Variants in JAZF1 observed in about 807,000 individuals in gnomAD.
The protein encoded by JAZF1 is juxtaposed with another zinc finger protein 1.
In JAZF1, 8 loss-of-function variants were observed where a neutral mutation model predicts 26.4. The observed-to-expected ratio is 0.30, with a 90% CI of 0.18 to 0.55. The LOEUF is 0.55. JAZF1 is among the 20% of genes least tolerant of loss of function. JAZF1 has a pLI of 0.94. For synonymous variants in JAZF1, 126 were observed against 122.3 expected, an observed-to-expected ratio of 1.03 and a Z score of -0.20; for missense variants, 199 against 322.0, an observed-to-expected ratio of 0.62 and a Z score of 2.92.
intron 1 of JAZF1, among the ~76,000 whole-genome samples, chr7:28,112,271 C>CAGTTTCATT (rs1324298973): frequency 6.6e-6 from 1 of 152,144 alleles, no homozygotes; most frequent in Non-Finnish European, 1.5e-5. Flanking sequence ...CAATGGAGGC[C>CAGTTTCATT]AGTTTCATTA....
chr7:27,898,804 T>C (rs1331504096), intron 2 of JAZF1, among the ~76,000 whole-genome samples: 2 of 152,174 alleles, frequency 1.3e-5, no homozygotes, highest in Non-Finnish European at 2.9e-5. Flanking sequence ...AAACACATTC[T>C]TAAAGCCCTG....
At chr7:28,143,991 G>A (rs1782992122) in intron 1 of JAZF1, among the ~76,000 whole-genome samples, 1 of 152,166 alleles carries the variant, frequency 6.6e-6, no homozygotes, top group African/African-American at 2.4e-5. Context: ...GTTGAATGAT[G>A]GAATAAATGA....
intron 1 of JAZF1, among the ~76,000 whole-genome samples, chr7:28,075,663 T>G (rs1359421334): frequency 6.6e-6 from 1 of 152,212 alleles, no homozygotes; most frequent in Non-Finnish European, 1.5e-5. Flanking sequence ...GTATTATTCT[T>G]TTTAATGGCT....
intron 3 of JAZF1, among the ~76,000 whole-genome samples, chr7:27,865,952 C>A (rs1490774069): frequency 6.6e-6 from 1 of 152,128 alleles, no homozygotes; most frequent in Non-Finnish European, 1.5e-5. Context: ...TAGGGAACAG[C>A]CACAAGTCAC....
At chr7:27,844,711 A>C (rs1782987187) in intron 3 of JAZF1, 1 of 152,248 alleles carries the variant, frequency 6.6e-6, no homozygotes, top group Admixed American at 6.5e-5. Context: ...TAAATTTTTT[A>C]TAAGTAGGTA....
At chr7:28,123,276 G>C (rs2127938736) in intron 1 of JAZF1, among the ~76,000 whole-genome samples, 1 of 152,098 alleles carries the variant, frequency 6.6e-6, no homozygotes, top group East Asian at 1.9e-4. Context: ...CTTCATCGAA[G>C]TAAGTCTCAT....
intron 3 of JAZF1, among the ~76,000 whole-genome samples, chr7:27,866,992 C>A (rs575571989): frequency 6.6e-6 from 1 of 152,328 alleles, no homozygotes; most frequent in South Asian, 2.1e-4. Flanking sequence ...AACGACATGA[C>A]TTCTGAAGGC....
At chr7:27,854,693 G>A (rs886485255) in intron 3 of JAZF1, among the ~76,000 whole-genome samples, 1 of 152,050 alleles carries the variant, frequency 6.6e-6, no homozygotes, top group East Asian at 1.9e-4. Context: ...GTTGAATATC[G>A]GCCCCCACTC....
At chr7:28,179,226 A>C (rs1451446095) in intron 1 of JAZF1, among the ~76,000 whole-genome samples, 4 of 152,216 alleles carry the variant, frequency 2.6e-5, no homozygotes, top group South Asian at 2.1e-4. Flanking sequence ...CCCACGCAGG[A>C]CAACTCGCTG....
At chr7:27,995,000 C>T (rs1785985780) in intron 1 of JAZF1, among the ~76,000 whole-genome samples, 1 of 152,098 alleles carries the variant, frequency 6.6e-6, no homozygotes, top group Non-Finnish European at 1.5e-5. Flanking sequence ...ATGACATACT[C>T]CTCATGAGGA....
intron 1 of JAZF1, among the ~76,000 whole-genome samples, chr7:28,028,056 A>G (rs1249367592): frequency 6.6e-6 from 1 of 152,208 alleles, no homozygotes; most frequent in Non-Finnish European, 1.5e-5. Context: ...TAATTGGTTT[A>G]TTTGAAAGTT....
intron 1 of JAZF1, among the ~76,000 whole-genome samples, chr7:28,056,151 T>C (rs1487588160): frequency 1.3e-5 from 2 of 149,806 alleles, no homozygotes; most frequent in African/African-American, 4.9e-5. Context: ...GACTGAAGAG[T>C]AGATAATAAT....
At chr7:27,886,533 A>C (rs903396949) in intron 3 of JAZF1, among the ~76,000 whole-genome samples, 1 of 152,214 alleles carries the variant, frequency 6.6e-6, no homozygotes, top group Non-Finnish European at 1.5e-5. Flanking sequence ...ATTATCTATG[A>C]CATTTTATGG....
intron 2 of JAZF1, among the ~76,000 whole-genome samples, chr7:27,926,210 T>C (rs907868982): frequency 2.6e-5 from 4 of 152,316 alleles, no homozygotes; most frequent in African/African-American, 9.6e-5. Flanking sequence ...TGGGGAAATC[T>C]TGGCTGAGAG....
intron 1 of JAZF1, among the ~76,000 whole-genome samples, chr7:28,055,365 C>T (rs188269161): frequency 6.1e-4 from 93 of 152,144 alleles, no homozygotes; most frequent in Non-Finnish European, 4.4e-4. Context: ...CACTCATTCC[C>T]CACTCCAGGG....
At chr7:27,980,358 C>T (rs10257968) in intron 2 of JAZF1, among the ~76,000 whole-genome samples, 2,100 of 152,272 alleles carry the variant, frequency 0.014, 57 homozygotes, top group African/African-American at 0.049. Flanking sequence ...AAAAAGCCCA[C>T]TTTTAAGAAA....
At chr7:27,980,598 C>A (rs73683923) in intron 2 of JAZF1, among the ~76,000 whole-genome samples, 1 of 151,644 alleles carries the variant, frequency 6.6e-6, no homozygotes, top group Non-Finnish European at 1.5e-5. Flanking sequence ...TTTGAGATGC[C>A]CAAATGTCTA....
chr7:28,020,416 T>A (rs531334498), intron 1 of JAZF1: 1 of 368,332 alleles, frequency 2.7e-6, no homozygotes, highest in East Asian at 7.4e-5. Flanking sequence ...GGGGTAACAC[T>A]GCTGCAGAAG....
intron 2 of JAZF1, among the ~76,000 whole-genome samples, chr7:27,989,514 A>C: frequency 6.6e-6 from 1 of 152,184 alleles, no homozygotes; most frequent in Admixed American, 6.5e-5. Context: ...AATGGGAGAA[A>C]ATTTTTACAA....
Sources: allele counts gnomAD v4.1 joint callset (sites outside exome capture counted in the v4.1 genomes callset), GRCh38; gene constraint gnomAD v4.1.1; transcripts MANE v1.5; gene names NCBI Gene and HGNC (gene_info 2026-07-23, HGNC 2026-07-21).